The following CARNMT1 variants were observed in gnomAD, a reference collection of about 807,000 sequenced individuals.
The protein encoded by CARNMT1 is protein-L-histidine N-pros-methyltransferase CARNMT1.
A neutral mutation model predicts 49.6 loss-of-function variants in CARNMT1; 28 were observed. That is an observed-to-expected ratio of 0.56 (90% CI 0.42 to 0.77). The LOEUF is 0.77. Ranked by LOEUF, CARNMT1 falls within the 30% of genes least tolerant of loss-of-function variation. The pLI, the probability that CARNMT1 is intolerant of heterozygous loss-of-function variation, is 0.00. For missense variants in CARNMT1, 421 were observed against 512.6 expected (o/e 0.82, Z 1.73); for synonymous variants, 178 against 175.0 (o/e 1.02, Z -0.13).
intron 5 of CARNMT1, 68 bp from the exon 6 acceptor site, chr9:74,996,628 T>A: frequency 2.4e-6 from 2 of 848,186 alleles, no homozygotes; most frequent in Non-Finnish European, 1.9e-6. Context: ...ATTAATTATT[T>A]AAATCTGCCA....
upstream of CARNMT1, chr9:75,028,309 T>C: frequency 7.5e-7 from 1 of 1,330,262 alleles, no homozygotes; most frequent in Non-Finnish European, 9.6e-7. Context: ...GGCGGCTGCT[T>C]GGCCTTCCTC....
At chr9:75,005,468 A>G (rs1433760548) in intron 3 of CARNMT1, among the ~76,000 whole-genome samples, 1 of 147,214 alleles carries the variant, frequency 6.8e-6, no homozygotes, top group Non-Finnish European at 1.5e-5. Context: ...TTCATTAAGT[A>G]TATGATCTTT....
chr9:74,984,972 G>C lies in CARNMT1; in HGVS notation c.1063C>G (p.Leu355Val). The C allele has an allele frequency of 6.2e-7, 1 of 1,613,832 alleles. No homozygotes were observed. The highest frequency in any genetic ancestry group is 2.2e-5 in the East Asian group (1 of 44,864). The change falls in exon 7 of 8, where the codon CTT becomes GTT. Residue 355 changes from leucine to valine, a missense_variant. This residue lies in a region of CARNMT1 where 235 missense variants were observed against 344.8 expected (regional missense o/e 0.68). Transcript: ENST00000376834. ...TCCTCATAGCTCAATTCTATGGAAA[G>C]TTCATTTGCCAGATTTTCAAAGTGG... Reference protein sequence around the residue: ...LYHFENLANELSIELSYEDIK... With the variant: ...LYHFENLANEVSIELSYEDIK...
At chr9:74,986,591 C>T (rs753257545) in intron 6 of CARNMT1, among the ~76,000 whole-genome samples, 4 of 152,138 alleles carry the variant, frequency 2.6e-5, no homozygotes, top group Admixed American at 1.3e-4. Flanking sequence ...TAAGAGCCTC[C>T]AATAACATAG....
At chr9:74,990,361 C>G (rs976586067) in intron 6 of CARNMT1, among the ~76,000 whole-genome samples, 15 of 152,154 alleles carry the variant, frequency 9.9e-5, no homozygotes, top group African/African-American at 3.6e-4. Flanking sequence ...CTAGAGGCCA[C>G]TGGGTGTGAT....
rs775783153 is a variant in CARNMT1, at chr9:74,980,895, T to G, written c.*2872A>C. The G allele has an allele frequency of 2.6e-5, 4 of 152,152 alleles. No individual in the cohort carries two copies. The highest frequency in any genetic ancestry group is 5.9e-5 in the Non-Finnish European group (4 of 67,998). 9.4% of individuals were successfully genotyped at this position (152,152 alleles called of 1,614,324 possible). On this transcript the variant is annotated 3_prime_UTR_variant, in exon 8 of 8. Coordinates refer to ENST00000376834, the MANE Select transcript of CARNMT1 (RefSeq NM_152420.3). ...CATATTATAAGGCGAAGTATTCATG[T>G]TACTGACTTCTTAGAAGCATATAAA...
chr9:75,009,542 C>T (rs1018070965), intron 3 of CARNMT1, among the ~76,000 whole-genome samples: 1 of 152,092 alleles, frequency 6.6e-6, no homozygotes, highest in Non-Finnish European at 1.5e-5. Flanking sequence ...TATGAAACTT[C>T]AGAAAGCAGT....
At position 74,982,899 on chromosome 9, in the gene CARNMT1, T is replaced by C. The variant is rs992201829; in HGVS notation, c.*868A>G. On this transcript the variant is annotated 3_prime_UTR_variant, in exon 8 of 8. Transcript: ENST00000376834. ...TCGTATATTTCAAAGTGATCCATGA[T>C]GAGTATGCTTTCATAAAGTGTTCAG... 20 of 152,150 alleles carry C rather than the reference T, an allele frequency of 1.3e-4. No homozygotes were observed. The highest frequency in any genetic ancestry group is 4.1e-4 in the African/African-American group (17 of 41,428). The allele number at this position is 152,150 out of a possible 1,614,324, so 9.4% of individuals were successfully genotyped here. A position where few individuals can be genotyped will look rare whatever the true frequency, so the allele number is the denominator to read the frequency against.
Position 74,983,409 on chromosome 9 carries a change from T to C in CARNMT1, c.*358A>G, listed in dbSNP as rs554866350. 1.8e-5 allele frequency: 3 copies of C among 162,922 alleles called. No individual in the cohort carries two copies. The highest frequency in any genetic ancestry group is 1.3e-4 in the Admixed American group (2 of 15,692). The allele number at this position is 162,922 out of a possible 1,614,324, so 10.1% of individuals were successfully genotyped here. A position where few individuals can be genotyped will look rare whatever the true frequency, so the allele number is the denominator to read the frequency against. On this transcript the variant is annotated 3_prime_UTR_variant, in exon 8 of 8. Coordinates refer to ENST00000376834, the MANE Select transcript of CARNMT1 (RefSeq NM_152420.3). ...AACAACAAAAAAAGGAAGATTATTA[T>C]GTACTTCAATACTATTAGTCATTAA...
At chr9:75,009,509 CATAAA>C (rs952861360) in intron 3 of CARNMT1, among the ~76,000 whole-genome samples, 32 of 152,020 alleles carry the variant, frequency 2.1e-4, no homozygotes, top group African/African-American at 7.2e-5. Flanking sequence ...AATCATCAAA[CATAAA>C]ATAAAAGGTG....
intron 3 of CARNMT1, among the ~76,000 whole-genome samples, chr9:75,000,623 C>T (rs1373298346): frequency 6.6e-6 from 1 of 151,926 alleles, no homozygotes; most frequent in African/African-American, 2.4e-5. Context: ...AATATAATCC[C>T]GAGGAAACTA....
At chr9:74,987,341 A>G (rs1437643878) in intron 6 of CARNMT1, among the ~76,000 whole-genome samples, 3 of 152,232 alleles carry the variant, frequency 2.0e-5, no homozygotes, top group Non-Finnish European at 4.4e-5. Flanking sequence ...ACTCATATTT[A>G]ATGCAACTTT....
chr9:75,005,840 A>G (rs967794645), intron 3 of CARNMT1, among the ~76,000 whole-genome samples: 1 of 138,074 alleles, frequency 7.2e-6, no homozygotes, highest in Non-Finnish European at 1.6e-5. Flanking sequence ...ACACACACAC[A>G]CACACACACA....
At chr9:74,985,325 T>C (rs1832800516) in intron 6 of CARNMT1, among the ~76,000 whole-genome samples, 1 of 152,224 alleles carries the variant, frequency 6.6e-6, no homozygotes, top group Non-Finnish European at 1.5e-5. Flanking sequence ...TCCAAATGTA[T>C]TCTGCAATTA....
In CARNMT1 at chr9:74,987,197, A is replaced by G. The variant is rs111985398; in HGVS notation, c.1025-2187T>C. 8.9e-3 allele frequency among the ~76,000 whole-genome samples: 1,359 copies of G among 152,278 alleles called. 18 individuals carry two copies. Among genetic ancestry groups the G allele is most frequent in the African/African-American group, 0.031 (1,273 of 41,520 alleles). On this transcript the variant is annotated intron_variant, in intron 6 of 7. Coordinates refer to ENST00000376834, the MANE Select transcript of CARNMT1 (RefSeq NM_152420.3). ...TCTTATATTAAATTGTGGGAATGCA[A>G]TAGTACAGTCACTTTGGAAAACACC... is the stretch of plus-strand genomic sequence containing the variant.
chr9:75,016,289 T>C lies in CARNMT1; in HGVS notation c.569A>G (p.Lys190Arg). Residue 190 changes from lysine to arginine, a missense_variant, in exon 3 of 8, where the codon AAA becomes AGA. Physicochemically the swap from Lys to Arg is conservative, Grantham distance 26. Coordinates refer to ENST00000376834, the MANE Select transcript of CARNMT1 (RefSeq NM_152420.3). ...TTACCATCTCTCTTTTGGAAAATTT[T>C]TTAAAATTTCTTTAATGATTGGCTG... ...CYQPIIKEILKNFPKERWDPS... is the reference protein window; with the variant it reads ...CYQPIIKEILRNFPKERWDPS... 6.2e-7 allele frequency: 1 copy of C among 1,612,820 alleles called. No individual in the cohort carries two copies. The highest frequency in any genetic ancestry group is 8.5e-7 in the Non-Finnish European group (1 of 1,179,750).
upstream of CARNMT1, chr9:75,028,339 A>T: frequency 7.6e-7 from 1 of 1,309,378 alleles, no homozygotes; most frequent in Non-Finnish European, 9.7e-7. Flanking sequence ...CCCGCCGCGG[A>T]CATGCCCCCA....
intron 1 of CARNMT1, among the ~76,000 whole-genome samples, chr9:75,026,206 T>C (rs914349614): frequency 6.6e-6 from 1 of 152,126 alleles, no homozygotes; most frequent in Non-Finnish European, 1.5e-5. Context: ...GAAGAGAGTA[T>C]AGGAAATAGT....
At chr9:74,993,462 G>C (rs918613445) in intron 6 of CARNMT1, among the ~76,000 whole-genome samples, 2 of 152,182 alleles carry the variant, frequency 1.3e-5, no homozygotes, top group Non-Finnish European at 2.9e-5. Context: ...GAGTCTTACA[G>C]GAACAGATTT....
Sources: allele counts gnomAD v4.1 joint callset (sites outside exome capture counted in the v4.1 genomes callset), GRCh38; gene constraint gnomAD v4.1.1; regional missense constraint gnomAD v4.1.1; transcripts MANE v1.5; gene names NCBI Gene and HGNC (gene_info 2026-07-23, HGNC 2026-07-21).